PDE11A: variants seen among roughly 807,000 people sequenced by gnomAD.
PDE11A encodes dual 3',5'-cyclic-AMP and -GMP phosphodiesterase 11A.
PDE11A carries 100 observed loss-of-function variants against 100.5 expected under a neutral mutation model. The ratio of observed to expected loss-of-function variants is 1.00; its 90% CI spans 0.85 to 1.18. The LOEUF is 1.18. PDE11A is among the 50% of genes most tolerant of loss of function. The pLI, the probability that PDE11A is intolerant of heterozygous loss-of-function variation, is 0.00. For synonymous variants in PDE11A, 381 were observed against 420.8 expected, an observed-to-expected ratio of 0.91 and a Z score of 1.16; for missense variants, 1,141 against 1,152.6, an observed-to-expected ratio of 0.99 and a Z score of 0.15.
In PDE11A at chr2:178,097,808, TCAGA is replaced by T. The variant is rs538180084; in HGVS notation, c.162+6490_162+6493del. Among the ~76,000 whole-genome samples, 14 of 152,178 alleles carry T rather than the reference TCAGA, an allele frequency of 9.2e-5. No individual in the cohort carries two copies. In the South Asian group the frequency reaches 2.5e-3, roughly 27 times the overall value. The stretch of plus-strand genomic sequence containing the variant: ...GTCAAATGACAGATACAGAAGATAC[TCAGA>T]CAAAGGAGATACAAGATCTGCACAA... On this transcript the variant is annotated intron_variant, in intron 2 of 20. Coordinates refer to the PDE11A transcript ENST00000358450.
At chr2:177,913,792 T>G (rs1013743240) in intron 2 of PDE11A, among the ~76,000 whole-genome samples, 3 of 152,164 alleles carry the variant, frequency 2.0e-5, no homozygotes, top group Non-Finnish European at 4.4e-5. Flanking sequence ...ACATTGCCAT[T>G]GTTTCTAATT....
chr2:177,998,246 T>C (rs2086101705), intron 2 of PDE11A: 5 of 831,712 alleles, frequency 6.0e-6, no homozygotes, highest in Admixed American at 1.7e-5. Flanking sequence ...ATTCAGTTAG[T>C]ATAAGCTCTT....
chr2:178,005,237 T>C (rs1240004683), intron 2 of PDE11A, among the ~76,000 whole-genome samples: 1 of 152,128 alleles, frequency 6.6e-6, no homozygotes, highest in African/African-American at 2.4e-5. Context: ...GGATCAAATC[T>C]TGCTTCCTAG....
chr2:177,686,181 C>T (rs1348308149), intron 15 of PDE11A, among the ~76,000 whole-genome samples: 1 of 152,090 alleles, frequency 6.6e-6, no homozygotes, highest in Non-Finnish European at 1.5e-5. Flanking sequence ...CTCTGTCGTC[C>T]CAAGGTTTGA....
At chr2:177,721,953 T>A (rs1367519622) in intron 12 of PDE11A, among the ~76,000 whole-genome samples, 1 of 152,108 alleles carries the variant, frequency 6.6e-6, no homozygotes, top group Admixed American at 6.5e-5. Flanking sequence ...GGTGCCAGGT[T>A]TCAGTCCCAA....
chr2:177,748,682 A>G (rs937916271), intron 10 of PDE11A, among the ~76,000 whole-genome samples: 12 of 152,186 alleles, frequency 7.9e-5, no homozygotes, highest in Non-Finnish European at 1.6e-4. Context: ...AATGATTACA[A>G]TAACATTTCA....
At chr2:177,679,709 T>G (rs780449331) in intron 16 of PDE11A, among the ~76,000 whole-genome samples, 8 of 152,054 alleles carry the variant, frequency 5.3e-5, no homozygotes, top group Non-Finnish European at 1.2e-4. Context: ...AGGCAGCCTG[T>G]AGGGATGACT....
chr2:177,797,997 G>A (rs1558943911), intron 9 of PDE11A, among the ~76,000 whole-genome samples: 1 of 152,084 alleles, frequency 6.6e-6, no homozygotes, highest in African/African-American at 2.4e-5. Flanking sequence ...AGCATCCTTT[G>A]TGATCTGACC....
chr2:177,858,457 A>C (rs2105664297), intron 5 of PDE11A, among the ~76,000 whole-genome samples: 1 of 152,260 alleles, frequency 6.6e-6, no homozygotes, highest in Non-Finnish European at 1.5e-5. Flanking sequence ...ACACTTCTCA[A>C]AGGAAGAAAT....
At chr2:177,789,707 C>T (rs1359129997) in intron 9 of PDE11A, among the ~76,000 whole-genome samples, 1 of 152,110 alleles carries the variant, frequency 6.6e-6, no homozygotes, top group Non-Finnish European at 1.5e-5. Flanking sequence ...GATACAAAAT[C>T]AATGTACAAA....
chr2:177,956,113 T>G, intron 2 of PDE11A, among the ~76,000 whole-genome samples: 1 of 151,548 alleles, frequency 6.6e-6, no homozygotes, highest in Non-Finnish European at 1.5e-5. Flanking sequence ...ACCATCAGAG[T>G]GAACAGGCAA....
Position 177,623,444 on chromosome 2 carries a change from T to C in PDE11A, c.*5963A>G, listed in dbSNP as rs2079790509. The C allele has an allele frequency of 6.6e-6, 1 of 152,254 alleles. No individual in the cohort carries two copies. Among genetic ancestry groups the C allele is most frequent in the African/African-American group, 2.4e-5 (1 of 41,468 alleles). The allele number at this position is 152,254 out of a possible 1,614,324, so 9.4% of individuals were successfully genotyped here. ...CAATTGAAAACGTATTTCCTTTCTT[T>C]CGTGTAAAACAATAATAATTAGGAA... On this transcript the variant is annotated 3_prime_UTR_variant, in exon 20 of 20. Transcript: ENST00000286063.
intron 19 of PDE11A, among the ~76,000 whole-genome samples, chr2:177,641,353 A>G (rs2080138877): frequency 6.6e-6 from 1 of 152,094 alleles, no homozygotes; most frequent in Admixed American, 6.5e-5. Flanking sequence ...TTGAAATGCC[A>G]AAATAATCCC....
intron 1 of PDE11A, among the ~76,000 whole-genome samples, chr2:178,031,837 AAAG>A (rs1459976913): frequency 2.0e-5 from 3 of 152,110 alleles, no homozygotes; most frequent in South Asian, 2.1e-4. Flanking sequence ...AACTGACATG[AAAG>A]AATAAAGGGC....
intron 13 of PDE11A, among the ~76,000 whole-genome samples, chr2:177,709,509 T>A (rs1292591359): frequency 1.3e-5 from 2 of 152,128 alleles, no homozygotes. Context: ...ACTGTAGGAC[T>A]TTGAAGAGGA....
chr2:178,106,763 C>A (rs576439510), intron 1 of PDE11A, among the ~76,000 whole-genome samples: 1 of 151,830 alleles, frequency 6.6e-6, no homozygotes, highest in South Asian at 2.1e-4. Context: ...AGTTCGAGAC[C>A]AGCCTGGCCA....
chr2:177,968,620 A>T (rs901883186), intron 2 of PDE11A, among the ~76,000 whole-genome samples: 5 of 152,356 alleles, frequency 3.3e-5, no homozygotes, highest in African/African-American at 1.2e-4. Context: ...ATAAATTCCT[A>T]TAGGATGAAC....
Position 177,786,366 on chromosome 2 carries a change from T to A in PDE11A, c.1738-16993A>T, listed in dbSNP as rs1022107567. ...GGAAAACTAACAAACAGAAAGGACA[T>A]CCACACCAAAAACCCATCTGTACAT... On this transcript the variant is annotated intron_variant, in intron 9 of 19. Coordinates refer to ENST00000286063, the MANE Select transcript of PDE11A (RefSeq NM_016953.4). Among the ~76,000 whole-genome samples, 114 of 151,998 alleles carry A rather than the reference T, an allele frequency of 7.5e-4. 1 individual carries two copies. The highest frequency in any genetic ancestry group is 1.8e-3 in the Admixed American group (28 of 15,286).
At chr2:177,761,712 T>A (rs1357209588) in intron 10 of PDE11A, among the ~76,000 whole-genome samples, 1 of 152,054 alleles carries the variant, frequency 6.6e-6, no homozygotes, top group Non-Finnish European at 1.5e-5. Context: ...GATTTATATA[T>A]ACAGATAGGG....
Sources: gnomAD v4.1 joint callset for allele counts (sites outside exome capture counted in the v4.1 genomes callset) on GRCh38, gnomAD v4.1.1 for gene constraint, MANE v1.5 for transcripts, NCBI Gene and HGNC (gene_info 2026-07-23, HGNC 2026-07-21) for gene names.